Variants in HAT1 observed in about 807,000 individuals in gnomAD.
HAT1 encodes the protein histone acetyltransferase 1.
HAT1 carries 20 observed loss-of-function variants against 56.6 expected under a neutral mutation model. The observed-to-expected ratio is 0.35, with a 90% CI of 0.25 to 0.51. HAT1 has a LOEUF of 0.51. HAT1 is among the 20% of genes least tolerant of loss of function. The pLI, the probability that HAT1 is intolerant of heterozygous loss-of-function variation, is 0.95. For synonymous variants in HAT1, 146 were observed against 165.5 expected, an observed-to-expected ratio of 0.88 and a Z score of 0.91; for missense variants, 408 against 504.3, an observed-to-expected ratio of 0.81 and a Z score of 1.83.
intron 10 of HAT1, 131 bp from the exon 11 acceptor site, chr2:171,983,054 A>C (rs552988148): frequency 7.6e-5 from 41 of 536,794 alleles, no homozygotes; most frequent in East Asian, 2.5e-4. Flanking sequence ...CAAAACAAAA[A>C]AAAAACATTG....
At chr2:171,977,559 T>TATA (rs1688019365) in intron 9 of HAT1, among the ~76,000 whole-genome samples, 116 of 10,366 alleles carry the variant, frequency 0.011, no homozygotes, top group Non-Finnish European at 0.012. Flanking sequence ...ATATATATAT[T>TATA]TTTTTTTTTT....
chr2:171,973,889 A>T (rs1161058594), intron 8 of HAT1, among the ~76,000 whole-genome samples: 2 of 152,014 alleles, frequency 1.3e-5, no homozygotes, highest in Admixed American at 6.6e-5. Flanking sequence ...ATTAATATGA[A>T]ATGTCTTGGG....
chr2:171,927,536 C>G (rs145376642), intron 2 of HAT1, among the ~76,000 whole-genome samples: 235 of 152,186 alleles, frequency 1.5e-3, no homozygotes, highest in African/African-American at 5.4e-3. Context: ...TCTGCCCCAG[C>G]CTTGGAATCA....
intron 2 of HAT1, among the ~76,000 whole-genome samples, chr2:171,934,006 T>C (rs936743632): frequency 6.6e-6 from 1 of 152,224 alleles, no homozygotes; most frequent in Admixed American, 6.5e-5. Flanking sequence ...GGATTGTCTA[T>C]GTCTTCAGTC....
intron 8 of HAT1, among the ~76,000 whole-genome samples, chr2:171,973,223 G>A (rs1687863736): frequency 6.6e-6 from 1 of 152,016 alleles, no homozygotes; most frequent in South Asian, 2.1e-4. Context: ...TAGCCTTTGT[G>A]GCCTCCCTTT....
chr2:171,946,925 T>C (rs1687182004), intron 3 of HAT1, 142 bp downstream of exon 3: 1 of 549,342 alleles, frequency 1.8e-6, no homozygotes, highest in Non-Finnish European at 3.2e-6. Context: ...TAATGGTGTT[T>C]TTTTACATTG....
At chr2:171,963,322 T>A (rs1166904103) in intron 4 of HAT1, among the ~76,000 whole-genome samples, 1 of 151,958 alleles carries the variant, frequency 6.6e-6, no homozygotes, top group Non-Finnish European at 1.5e-5. Flanking sequence ...CTATTTTATT[T>A]GAAGATATTT....
chr2:171,968,927 G>C (rs1233877170), intron 8 of HAT1, among the ~76,000 whole-genome samples: 1 of 152,080 alleles, frequency 6.6e-6, no homozygotes, highest in Admixed American at 6.5e-5. Flanking sequence ...TTGACAGATA[G>C]CCAGATCTAA....
chr2:171,943,991 A>G (rs1001646884), intron 2 of HAT1, among the ~76,000 whole-genome samples: 1 of 151,990 alleles, frequency 6.6e-6, no homozygotes, highest in Non-Finnish European at 1.5e-5. Flanking sequence ...CAAAAAATTT[A>G]AAAAATTAGT....
intron 8 of HAT1, among the ~76,000 whole-genome samples, chr2:171,974,173 C>CAAGA (rs1687890973): frequency 2.2e-5 from 1 of 45,580 alleles, no homozygotes; most frequent in South Asian, 8.4e-4. Context: ...GACCCTGTCT[C>CAAGA]AAAAAAAAAA....
intron 3 of HAT1, among the ~76,000 whole-genome samples, chr2:171,947,884 CA>C (rs1158943366): frequency 6.6e-6 from 1 of 152,196 alleles, no homozygotes; most frequent in African/African-American, 2.4e-5. Context: ...CTCAAAAAAA[CA>C]AAAACAAAAT....
intron 2 of HAT1, among the ~76,000 whole-genome samples, chr2:171,944,691 T>C (rs1687113137): frequency 6.6e-6 from 1 of 152,194 alleles, no homozygotes; most frequent in Non-Finnish European, 1.5e-5. Flanking sequence ...GCACATAATG[T>C]TGTTCTGTCC....
In HAT1 at chr2:171,953,999, A is replaced by T. The variant is rs559806676; in HGVS notation, c.309+998A>T. Among the ~76,000 whole-genome samples, 224 of 152,212 alleles carry T rather than the reference A, an allele frequency of 1.5e-3. 1 individual carries two copies. Among genetic ancestry groups the T allele is most frequent in the Non-Finnish European group, 2.1e-3 (145 of 67,988 alleles). On this transcript the variant is annotated intron_variant, in intron 4 of 10. Transcript: ENST00000264108. The stretch of plus-strand genomic sequence containing the variant: ...GACAGAGTGAAACTGTCTCAAAAAA[A>T]AATTAATTAATTAAATAAAATCATA...
rs1172067451 is a variant in HAT1, at chr2:171,977,557, A to ATTTTTT, written c.975+1266_975+1271dup. On this transcript the variant is annotated intron_variant, in intron 9 of 10. Coordinates refer to ENST00000264108, the MANE Select transcript of HAT1 (RefSeq NM_003642.4). The stretch of plus-strand genomic sequence containing the variant: ...TATATATATATATATATATATATAT[A>ATTTTTT]TTTTTTTTTTTTTTTTTTTTTTAAT... Among the ~76,000 whole-genome samples the ATTTTTT allele has an allele frequency of 1.5e-3, 25 of 16,272 alleles. 1 individual carries two copies. The highest frequency in any genetic ancestry group is 3.8e-3 in the South Asian group (1 of 262). 10.7% of individuals were successfully genotyped at this position (16,272 alleles called of 152,430 possible). A position where few individuals can be genotyped will look rare whatever the true frequency, so the allele number is the denominator to read the frequency against.
rs554964045 is a variant in HAT1, at chr2:171,925,525, C to G, written c.8-12C>G. ...CTTCCAAACTAAACCTTTTAAAAAC[C>G]TTTTCTCTTAGGATTTGGTGCTATG... On this transcript the variant is annotated splice_polypyrimidine_tract_variant and intron_variant, in intron 1 of 10. Transcript: ENST00000264108. The G allele has an allele frequency of 1.8e-4, 221 of 1,237,982 alleles. 4 individuals carry two copies. In the South Asian group the frequency reaches 2.5e-3, roughly 14 times the overall value. The allele number at this position is 1,237,982 out of a possible 1,614,324, so 76.7% of individuals were successfully genotyped here. A position where few individuals can be genotyped will look rare whatever the true frequency, so the allele number is the denominator to read the frequency against.
intron 10 of HAT1, among the ~76,000 whole-genome samples, chr2:171,982,714 T>C (rs1196373538): frequency 6.6e-6 from 1 of 152,230 alleles, no homozygotes; most frequent in Admixed American, 6.5e-5. Flanking sequence ...TCTGAAACAT[T>C]TCTAACAGTT....
At chr2:171,935,515 CA>C (rs56220004) in intron 2 of HAT1, among the ~76,000 whole-genome samples, 17,935 of 55,488 alleles carry the variant, frequency 0.32, 1,023 homozygotes, top group Non-Finnish European at 0.35. Flanking sequence ...AACTCCATCT[CA>C]AAAAAAAAAA....
chr2:171,940,614 A>G (rs1425833846), intron 2 of HAT1, among the ~76,000 whole-genome samples: 2 of 152,250 alleles, frequency 1.3e-5, no homozygotes, highest in South Asian at 2.1e-4. Context: ...CCTTCAATAA[A>G]TTGCTTCTGT....
At chr2:171,934,688 G>A (rs1283245417) in intron 2 of HAT1, among the ~76,000 whole-genome samples, 1 of 151,596 alleles carries the variant, frequency 6.6e-6, no homozygotes, top group Admixed American at 6.6e-5. Flanking sequence ...GTAAAGTGAG[G>A]TCAGCCACGT....
Sources: gnomAD v4.1 joint callset for allele counts (sites outside exome capture counted in the v4.1 genomes callset) on GRCh38, gnomAD v4.1.1 for gene constraint, MANE v1.5 for transcripts, NCBI Gene and HGNC (gene_info 2026-07-23, HGNC 2026-07-21) for gene names.